The following STAB2 variants were observed in gnomAD, a reference collection of about 807,000 sequenced individuals.
STAB2 encodes the protein stabilin-2.
A neutral mutation model predicts 338.1 loss-of-function variants in STAB2; 288 were observed. The ratio of observed to expected loss-of-function variants is 0.85; its 90% CI spans 0.77 to 0.94. The LOEUF is 0.94. Among genes scored for constraint, STAB2 ranks in the 40% least tolerant of loss-of-function variants. The pLI is 0.00. For missense variants in STAB2, 3,141 were observed against 3,210.1 expected, an observed-to-expected ratio of 0.98 and a Z score of 0.52; for synonymous variants, 1,202 against 1,193.3, an observed-to-expected ratio of 1.01 and a Z score of -0.15.
intron 5 of STAB2, among the ~76,000 whole-genome samples, chr12:103,622,898 C>T (rs140226331): frequency 1.3e-3 from 194 of 152,320 alleles, no homozygotes; most frequent in Admixed American, 3.0e-3. Flanking sequence ...CCAATTAAAC[C>T]GTGGGCCCCA....
chr12:103,737,909 G>A (rs1882287228), intron 53 of STAB2, 129 bp downstream of exon 53: 1 of 1,220,118 alleles, frequency 8.2e-7, no homozygotes, highest in South Asian at 1.8e-5. Context: ...CAGAAGACCT[G>A]AGGGCCAAAT....
chr12:103,613,795 G>C (rs1023206653), intron 3 of STAB2, among the ~76,000 whole-genome samples: 1 of 152,108 alleles, frequency 6.6e-6, no homozygotes, highest in Non-Finnish European at 1.5e-5. Context: ...GAGAGCTGTA[G>C]ACTGGAGCTG....
chr12:103,647,518 A>C (rs542437785), intron 9 of STAB2, among the ~76,000 whole-genome samples: 1 of 152,298 alleles, frequency 6.6e-6, no homozygotes, highest in South Asian at 2.1e-4. Flanking sequence ...GATGCTTGTG[A>C]AAGTCATCTT....
At chr12:103,647,886 T>C (rs1001812038) in intron 9 of STAB2, among the ~76,000 whole-genome samples, 7 of 152,256 alleles carry the variant, frequency 4.6e-5, no homozygotes, top group African/African-American at 1.7e-4. Context: ...TGTATATTTA[T>C]TTTCATTGTT....
chr12:103,753,446 C>T (rs934233747), intron 61 of STAB2, 93 bp downstream of exon 61: 33 of 1,568,938 alleles, frequency 2.1e-5, no homozygotes, highest in Non-Finnish European at 2.5e-5. Flanking sequence ...GAGCTGTTGC[C>T]TTCAAGCAAG....
At chr12:103,719,891 G>A (rs1158278856) in intron 44 of STAB2, among the ~76,000 whole-genome samples, 4 of 152,064 alleles carry the variant, frequency 2.6e-5, no homozygotes, top group Non-Finnish European at 2.9e-5. Context: ...CACTTCTTGG[G>A]GTGCTTATTC....
chr12:103,648,970 G>A lies in STAB2; in HGVS notation c.1174+147G>A. ...GGGGTCATGCAGGTGAGAGGGAAAGGGCAGGCAGCTGTTTCAAAGAAGACA... is the reference window on the plus strand; with the variant it reads ...GGGGTCATGCAGGTGAGAGGGAAAGAGCAGGCAGCTGTTTCAAAGAAGACA... On this transcript the variant is annotated intron_variant, in intron 10 of 68. Coordinates refer to ENST00000388887, the MANE Select transcript of STAB2 (RefSeq NM_017564.10). 7 of 1,070,332 alleles carry A rather than the reference G, an allele frequency of 6.5e-6. No homozygotes were observed. In the South Asian group the frequency reaches 1.2e-4, roughly 18 times the overall value. The allele number at this position is 1,070,332 out of a possible 1,614,324, so 66.3% of individuals were successfully genotyped here.
chr12:103,594,705 A>T (rs970756308), intron 3 of STAB2, among the ~76,000 whole-genome samples, 195 bp downstream of exon 3: 1 of 152,200 alleles, frequency 6.6e-6, no homozygotes, highest in African/African-American at 2.4e-5. Flanking sequence ...GCTGATAGAG[A>T]TCTCTCTTTA....
intron 44 of STAB2, among the ~76,000 whole-genome samples, chr12:103,718,873 A>T (rs1880536726): frequency 6.6e-6 from 1 of 152,144 alleles, no homozygotes; most frequent in South Asian, 2.1e-4. Context: ...GGATGGTTAT[A>T]AGTGTCCCTG....
chr12:103,651,374 C>T (rs150290208), intron 11 of STAB2, among the ~76,000 whole-genome samples: 15,724 of 144,950 alleles, frequency 0.11, 919 homozygotes, highest in South Asian at 0.22. Context: ...AGTGCAGTGG[C>T]GCAATCTCGG....
intron 6 of STAB2, among the ~76,000 whole-genome samples, chr12:103,634,698 C>G (rs1957516031): frequency 6.6e-6 from 1 of 152,068 alleles, no homozygotes; most frequent in Non-Finnish European, 1.5e-5. Context: ...GTAGTTCTCA[C>G]TCATGTAACA....
chr12:103,742,731 T>C (rs1882687400), intron 56 of STAB2, among the ~76,000 whole-genome samples, 177 bp downstream of exon 56: 1 of 152,184 alleles, frequency 6.6e-6, no homozygotes, highest in Admixed American at 6.5e-5. Flanking sequence ...CAGTTTCCAA[T>C]GAAAAAGCTT....
At chr12:103,594,025 T>C (rs754714821) in intron 2 of STAB2, among the ~76,000 whole-genome samples, 1 of 152,016 alleles carries the variant, frequency 6.6e-6, no homozygotes, top group Non-Finnish European at 1.5e-5. Context: ...CCACACATAC[T>C]GTGCATTTTG....
chr12:103,728,762 G>A, intron 47 of STAB2, 87 bp from the exon 48 acceptor site: 1 of 1,549,318 alleles, frequency 6.5e-7, no homozygotes. Flanking sequence ...AGGTGTGGAA[G>A]AGAGAATGGA....
chr12:103,714,884 A>G (rs775558743), intron 42 of STAB2, among the ~76,000 whole-genome samples: 2 of 152,196 alleles, frequency 1.3e-5, no homozygotes, highest in South Asian at 2.1e-4. Context: ...TTTATTATTG[A>G]TGTAATACTT....
chr12:103,599,560 AG>A (rs1418421114), intron 3 of STAB2, among the ~76,000 whole-genome samples: 10 of 152,236 alleles, frequency 6.6e-5, no homozygotes, highest in African/African-American at 2.2e-4. Context: ...ATAATAATAC[AG>A]GGCACCCAGT....
intron 9 of STAB2, among the ~76,000 whole-genome samples, chr12:103,643,959 CG>C (rs1873128145): frequency 3.6e-5 from 2 of 55,602 alleles, no homozygotes; most frequent in Admixed American, 1.5e-4. Context: ...AGGTGAGGGG[CG>C]CCTCTGCCTG....
intron 56 of STAB2, 47 bp from the exon 57 acceptor site, chr12:103,745,126 T>C (rs1209465452): frequency 6.5e-7 from 1 of 1,529,342 alleles, no homozygotes; most frequent in Non-Finnish European, 8.9e-7. Context: ...AGCTGGTTGA[T>C]TGGGTCTCAA....
intron 60 of STAB2, among the ~76,000 whole-genome samples, chr12:103,751,487 G>A (rs1236501782): frequency 6.6e-6 from 1 of 152,168 alleles, no homozygotes; most frequent in Non-Finnish European, 1.5e-5. Context: ...TGGTGGTGCT[G>A]GGTTAAAGCA....
Sources: allele counts gnomAD v4.1 joint callset (sites outside exome capture counted in the v4.1 genomes callset), GRCh38; gene constraint gnomAD v4.1.1; transcripts MANE v1.5; gene names NCBI Gene and HGNC (gene_info 2026-07-23, HGNC 2026-07-21).